The following APPL1 variants were observed in gnomAD, a reference collection of about 807,000 sequenced individuals.
APPL1 encodes the protein adaptor protein, phosphotyrosine interacting with PH domain and leucine zipper 1.
APPL1 carries 42 observed loss-of-function variants against 106.8 expected under a neutral mutation model. The ratio of observed to expected loss-of-function variants is 0.39; its 90% confidence interval spans 0.31 to 0.51. APPL1 has a LOEUF of 0.51. Among genes scored for constraint, APPL1 ranks in the 20% least tolerant of loss-of-function variants. The pLI, the probability that APPL1 is intolerant of heterozygous loss-of-function variation, is 0.75. For missense variants in APPL1, 769 were observed against 858.2 expected, an observed-to-expected ratio of 0.90 and a Z score of 1.30; for synonymous variants, 263 against 281.8, an observed-to-expected ratio of 0.93 and a Z score of 0.67.
In APPL1 at chr3:57,268,412, A is replaced by G; in HGVS notation, c.1908A>G (p.Ser636=). ...ALHAELDRRA[S]EKQKEIERVK... ...CTGTTCTTTAGGATCGTAGGGCATCAGAAAAACAAAAAGAAATAGAGAGAG... is the reference window on the plus strand; with the variant it reads ...CTGTTCTTTAGGATCGTAGGGCATCGGAAAAACAAAAAGAAATAGAGAGAG... Residue 636 remains serine (S), a synonymous_variant, in exon 21 of 22, where the codon TCA becomes TCG. Transcript: ENST00000288266. The G allele has an allele frequency of 1.3e-6, 2 of 1,591,516 alleles. No homozygotes were observed. Among genetic ancestry groups the G allele is most frequent in the Non-Finnish European group, 1.7e-6 (2 of 1,166,730 alleles).
intron 12 of APPL1, 39 bp from the exon 13 acceptor site, chr3:57,253,643 A>G: frequency 7.3e-7 from 1 of 1,377,670 alleles, no homozygotes. Context: ...GAAGCTTTGT[A>G]GAAAAAAAAT....
intron 7 of APPL1, among the ~76,000 whole-genome samples, chr3:57,245,593 A>G (rs1323231742): frequency 6.7e-6 from 1 of 150,102 alleles, no homozygotes; most frequent in Non-Finnish European, 1.5e-5. Context: ...CCCAGGCTGG[A>G]GTACAGTGGT....
chr3:57,235,603 CA>C lies in APPL1; in HGVS notation c.93del (p.Ala32LeufsTer6), dbSNP rs772536998. 1 of 1,613,278 alleles carries C rather than the reference CA, an allele frequency of 6.2e-7. No homozygotes were observed. Among genetic ancestry groups the C allele is most frequent in the South Asian group, 1.1e-5 (1 of 90,958 alleles). ...CTAGGTGTATTTGAAGAAGATGCCA[CA>C]GCTATTTCCAACTATATGAACCAGT... The part of the protein sequence containing the change: ...SLLGVFEEDA[T>X]AISNYMNQLY... On this transcript the variant is annotated frameshift_variant, in exon 2 of 22. Coordinates refer to ENST00000288266, the MANE Select transcript of APPL1 (RefSeq NM_012096.3). LOFTEE classifies it high-confidence loss of function.
intron 1 of APPL1, among the ~76,000 whole-genome samples, chr3:57,234,601 C>T (rs1444707132): frequency 6.6e-6 from 1 of 150,390 alleles, no homozygotes; most frequent in Non-Finnish European, 1.5e-5. Context: ...CCCGGCCTGA[C>T]ATTCTTAACA....
intron 19 of APPL1, among the ~76,000 whole-genome samples, chr3:57,265,752 C>T (rs972494140): frequency 2.0e-5 from 3 of 152,028 alleles, no homozygotes; most frequent in Non-Finnish European, 4.4e-5. Context: ...TCCTCTCTTA[C>T]CTGATTACTC....
Position 57,227,932 on chromosome 3 carries a change from C to G in APPL1, c.49C>G (p.Pro17Ala). The G allele has an allele frequency of 6.9e-7, 1 of 1,449,876 alleles. No individual in the cohort carries two copies. The highest frequency in any genetic ancestry group is 9.1e-7 in the Non-Finnish European group (1 of 1,094,570). 89.8% of individuals were successfully genotyped at this position (1,449,876 alleles called of 1,614,324 possible). The change falls in exon 1 of 22, where the codon CCG becomes GCG. Residue 17 changes from proline (P) to alanine (A), a missense_variant. By Grantham distance (27) the Pro-to-Ala change is conservative (BLOSUM62 -1). Coordinates refer to ENST00000288266, the MANE Select transcript of APPL1 (RefSeq NM_012096.3). Reference protein sequence around the residue: ...LPIEETLEDSPQTRSLLGVFE... With the variant: ...LPIEETLEDSAQTRSLLGVFE... ...CATCGAGGAGACGCTGGAGGACAGC[C>G]CGCAGGTGAGGCGCGGGAGCTGGTG... is the stretch of plus-strand genomic sequence containing the variant.
At chr3:57,236,275 C>T (rs1400459086) in intron 2 of APPL1, among the ~76,000 whole-genome samples, 1 of 151,238 alleles carries the variant, frequency 6.6e-6, no homozygotes, top group East Asian at 1.9e-4. Flanking sequence ...AACTCCCGAC[C>T]TCAGGTGATC....
chr3:57,272,723 C>T lies in APPL1; in HGVS notation c.*3036C>T, dbSNP rs1483837335. On this transcript the variant is annotated 3_prime_UTR_variant, in exon 22 of 22. Coordinates refer to ENST00000288266, the MANE Select transcript of APPL1 (RefSeq NM_012096.3). Reference sequence around the variant, plus strand: ...CACGCCATTCTCCTGCCTCAGCCTCCCGAGTAGCTGGGACCACAGGGGCCC... The same window carrying T: ...CACGCCATTCTCCTGCCTCAGCCTCTCGAGTAGCTGGGACCACAGGGGCCC... 1.3e-5 allele frequency: 2 copies of T among 152,310 alleles called. No individual in the cohort carries two copies. Among genetic ancestry groups the T allele is most frequent in the Non-Finnish European group, 2.9e-5 (2 of 68,204 alleles). 9.4% of individuals were successfully genotyped at this position (152,310 alleles called of 1,614,324 possible).
At position 57,238,114 on chromosome 3, in the gene APPL1, G is replaced by A. The variant is rs1351329505; in HGVS notation, c.283G>A (p.Glu95Lys). ...GCAACAGTTTTCAAAAGTTATAGAT[G>A]AGGTAAACGTTTATTTTATTTTGCT... ...TLQQFSKVID[E>K]LSSCHAVLST... Residue 95 changes from glutamate (E) to lysine (K), a missense_variant and splice_region_variant, in exon 4 of 22, where the codon GAG becomes AAG. Physicochemically the swap from Glu to Lys is moderately conservative, Grantham distance 56. Coordinates refer to ENST00000288266, the MANE Select transcript of APPL1 (RefSeq NM_012096.3). 3.7e-6 allele frequency: 6 copies of A among 1,605,556 alleles called. No homozygotes were observed. Among genetic ancestry groups the A allele is most frequent in the Non-Finnish European group, 4.3e-6 (5 of 1,175,444 alleles).
chr3:57,227,853 C>A lies in APPL1; in HGVS notation c.-31C>A. 1.4e-6 allele frequency: 2 copies of A among 1,449,578 alleles called. No homozygotes were observed. The highest frequency in any genetic ancestry group is 1.8e-6 in the Non-Finnish European group (2 of 1,097,218). 89.8% of individuals were successfully genotyped at this position (1,449,578 alleles called of 1,614,324 possible). On this transcript the variant is annotated 5_prime_UTR_variant, in exon 1 of 22. Coordinates refer to ENST00000288266, the MANE Select transcript of APPL1 (RefSeq NM_012096.3). Reference sequence around the variant, plus strand: ...CGCGGGGAGCTGTGGGCGGCAGCTGCGTCTCCTGCCACCGCCCTCCCTCCG... The same window carrying A: ...CGCGGGGAGCTGTGGGCGGCAGCTGAGTCTCCTGCCACCGCCCTCCCTCCG...
rs571787002 is a variant in APPL1, at chr3:57,228,417, G to A, written c.54+480G>A. Among the ~76,000 whole-genome samples, 2 of 152,314 alleles carry A rather than the reference G, an allele frequency of 1.3e-5. No individual in the cohort carries two copies. Among genetic ancestry groups the A allele is most frequent in the South Asian group, 4.1e-4 (2 of 4,828 alleles). ...GGGAGAGGCTGTAAGGTTGTGTGTG[G>A]AGCCCTAATGGCAAAGCCCGTGACG... On this transcript the variant is annotated intron_variant, in intron 1 of 21. Transcript: ENST00000288266. This position sits in a 1 kb window ranked among gnomAD's most constrained non-coding sequence, Gnocchi z 4.6.
At chr3:57,240,407 A>T in intron 4 of APPL1, 58 bp from the exon 5 acceptor site, 1 of 1,311,506 alleles carries the variant, frequency 7.6e-7, no homozygotes, top group Non-Finnish European at 1.1e-6. Flanking sequence ...TAATTTACAT[A>T]ACACTGGTTA....
At chr3:57,269,423 G>C in intron 21 of APPL1, 118 bp from the exon 22 acceptor site, 1 of 973,756 alleles carries the variant, frequency 1.0e-6, no homozygotes. Flanking sequence ...CAAGTTGTCA[G>C]AAGTATGCAT....
chr3:57,235,688 A>G, intron 2 of APPL1, 24 bp downstream of exon 2: 2 of 1,550,190 alleles, frequency 1.3e-6, no homozygotes, highest in Non-Finnish European at 1.8e-6. Context: ...GACTAACTTG[A>G]TGCTTTTAAA....
In APPL1 at chr3:57,237,431, A is replaced by T. The variant is rs2060722210; in HGVS notation, c.154-61A>T. On this transcript the variant is annotated intron_variant, in intron 2 of 21. Coordinates refer to ENST00000288266, the MANE Select transcript of APPL1 (RefSeq NM_012096.3). ...GTGATAATAAATAAATTAGGTATTT[A>T]ATTAGAAAAAACTAAAACTTTTTTC... The T allele has an allele frequency of 1.0e-5, 12 of 1,154,222 alleles. No homozygotes were observed. The South Asian group carries it at 1.8e-4, about 17-fold the overall frequency. 71.5% of individuals were successfully genotyped at this position (1,154,222 alleles called of 1,614,324 possible). A position where few individuals can be genotyped will look rare whatever the true frequency, so the allele number is the denominator to read the frequency against.
chr3:57,245,169 G>A lies in APPL1; in HGVS notation c.475-907G>A, dbSNP rs570122878. The stretch of plus-strand genomic sequence containing the variant: ...GGAGATAAAATTTGTGAGTCATTGA[G>A]TCATTGGTGTATTGGAATATTAGAA... On this transcript the variant is annotated intron_variant, in intron 7 of 21. Coordinates refer to ENST00000288266, the MANE Select transcript of APPL1 (RefSeq NM_012096.3). 2.0e-5 allele frequency among the ~76,000 whole-genome samples: 3 copies of A among 152,292 alleles called. No individual in the cohort carries two copies. In the East Asian group the frequency reaches 5.8e-4, roughly 29 times the overall value.
intron 19 of APPL1, among the ~76,000 whole-genome samples, chr3:57,264,851 T>G (rs1414969851): frequency 6.6e-6 from 1 of 151,618 alleles, no homozygotes; most frequent in Non-Finnish European, 1.5e-5. Flanking sequence ...ACTATAGCTC[T>G]GTAGCATTGT....
chr3:57,253,847 A>T (rs1579394574), intron 13 of APPL1, 109 bp downstream of exon 13: 1 of 824,410 alleles, frequency 1.2e-6, no homozygotes, highest in Non-Finnish European at 1.6e-6. Context: ...TTTTAATTTG[A>T]CCTTGAATGA....
At position 57,251,737 on chromosome 3, in the gene APPL1, A is replaced by G. The variant is rs1376604400; in HGVS notation, c.1053-532A>G. ...ATTTACTTTTTGCTTAATGCTTACC[A>G]TGATTTCCCATTTCACATTCCTGGT... On this transcript the variant is annotated intron_variant, in intron 11 of 21. Transcript: ENST00000288266. Among the ~76,000 whole-genome samples, 7 of 152,242 alleles carry G rather than the reference A, an allele frequency of 4.6e-5. No individual in the cohort carries two copies. In the East Asian group the frequency reaches 9.6e-4, roughly 21 times the overall value.
Sources: allele counts gnomAD v4.1 joint callset (sites outside exome capture counted in the v4.1 genomes callset), GRCh38; gene constraint gnomAD v4.1.1; non-coding constraint Gnocchi (gnomAD v3.1); transcripts MANE v1.5; gene names NCBI Gene and HGNC (gene_info 2026-07-23, HGNC 2026-07-21).